DNAH11: variants seen among roughly 807,000 people sequenced by gnomAD.
DNAH11 encodes axonemal beta dynein heavy chain 11.
In DNAH11, 442 loss-of-function variants were observed where a neutral mutation model predicts 526.0. The observed-to-expected ratio is 0.84, with a 90% CI of 0.78 to 0.91. The LOEUF is 0.91. Ranked by LOEUF, DNAH11 falls within the 40% of genes least tolerant of loss-of-function variation. The pLI, the probability that DNAH11 is intolerant of heterozygous loss-of-function variation, is 0.00. For synonymous variants in DNAH11, 2,461 were observed against 1,935.9 expected (o/e 1.27, Z -7.12); for missense variants, 6,989 against 5,448.7 (o/e 1.28, Z -8.90).
chr7:21,811,205 G>A (rs1231596097), intron 63 of DNAH11, among the ~76,000 whole-genome samples: 7 of 152,280 alleles, frequency 4.6e-5, no homozygotes, highest in Admixed American at 3.3e-4. Flanking sequence ...GCTAATGCGT[G>A]TAATCCCAGC....
intron 28 of DNAH11, among the ~76,000 whole-genome samples, chr7:21,641,568 C>T (rs1019727995): frequency 3.3e-5 from 5 of 152,198 alleles, no homozygotes; most frequent in Non-Finnish European, 7.4e-5. Context: ...ATTCTTGTCA[C>T]CAACTCTGTT....
At chr7:21,720,883 C>T (rs747236485) in intron 44 of DNAH11, 27 bp downstream of exon 44, 7 of 1,603,830 alleles carry the variant, frequency 4.4e-6, no homozygotes, top group Non-Finnish European at 6.0e-6. Context: ...TTTACAGGAC[C>T]AGTTTCCAGT....
chr7:21,753,405 T>C (rs1352555657), intron 54 of DNAH11, among the ~76,000 whole-genome samples: 1 of 152,204 alleles, frequency 6.6e-6, no homozygotes, highest in African/African-American at 2.4e-5. Context: ...CAATTTGAAA[T>C]GGATTTTGGA....
chr7:21,875,493 G>C (rs918913108), intron 74 of DNAH11, among the ~76,000 whole-genome samples: 1 of 151,948 alleles, frequency 6.6e-6, no homozygotes, highest in Admixed American at 6.6e-5. Context: ...GGAAATACAC[G>C]TTCGAAAATA....
At chr7:21,817,401 C>T (rs962112554) in intron 64 of DNAH11, among the ~76,000 whole-genome samples, 3 of 151,574 alleles carry the variant, frequency 2.0e-5, no homozygotes. Context: ...AGTTCTTAGG[C>T]CAGGTACAGT....
chr7:21,825,725 C>T (rs1790256764), intron 65 of DNAH11, among the ~76,000 whole-genome samples: 1 of 151,758 alleles, frequency 6.6e-6, no homozygotes, highest in South Asian at 2.1e-4. Flanking sequence ...TTTGGGAGGC[C>T]AAGGCAGGTG....
chr7:21,755,353 C>T lies in DNAH11; in HGVS notation c.8940+4989C>T, dbSNP rs549865137. On this transcript the variant is annotated intron_variant, in intron 54 of 81. Transcript: ENST00000409508. ...TGCAGCTCGAATATAGAACTTTCAT[C>T]TCCTCTCCAGTGGACCTTAGTTCAC... Among the ~76,000 whole-genome samples, 13 of 152,302 alleles carry T rather than the reference C, an allele frequency of 8.5e-5. No homozygotes were observed. In the South Asian group the frequency reaches 2.5e-3, roughly 29 times the overall value.
At chr7:21,840,776 CTATT>C (rs1782176362) in intron 65 of DNAH11, among the ~76,000 whole-genome samples, 1 of 152,102 alleles carries the variant, frequency 6.6e-6, no homozygotes, top group Non-Finnish European at 1.5e-5. Flanking sequence ...AGCCTAGTGA[CTATT>C]TACAGAAATA....
intron 66 of DNAH11, among the ~76,000 whole-genome samples, chr7:21,844,803 T>C (rs1466127029): frequency 6.6e-6 from 1 of 152,224 alleles, no homozygotes; most frequent in Admixed American, 6.5e-5. Flanking sequence ...GTGAGGCTGC[T>C]TTACTTGGAT....
At chr7:21,859,164 A>T (rs549681232) in intron 68 of DNAH11, among the ~76,000 whole-genome samples, 73 of 151,966 alleles carry the variant, frequency 4.8e-4, no homozygotes, top group African/African-American at 1.7e-3. Context: ...CCCAGACTGG[A>T]ATGTAGTGGT....
intron 65 of DNAH11, among the ~76,000 whole-genome samples, chr7:21,837,583 G>T (rs1243748705): frequency 6.6e-6 from 1 of 152,114 alleles, no homozygotes; most frequent in Non-Finnish European, 1.5e-5. Flanking sequence ...AAGGAGGGAG[G>T]ATGGTGGGGA....
chr7:21,718,561 TG>T (rs1784757806), intron 43 of DNAH11, among the ~76,000 whole-genome samples: 1 of 152,188 alleles, frequency 6.6e-6, no homozygotes, highest in Admixed American at 6.5e-5. Context: ...TTGAGACAGC[TG>T]GTAAGAGTGA....
chr7:21,608,212 A>G (rs2128449550), intron 20 of DNAH11, among the ~76,000 whole-genome samples: 1 of 152,316 alleles, frequency 6.6e-6, no homozygotes, highest in East Asian at 1.9e-4. Context: ...GTACTTTATT[A>G]TAGTTGACTA....
chr7:21,560,334 A>G (rs900468798), intron 4 of DNAH11, among the ~76,000 whole-genome samples: 3 of 152,232 alleles, frequency 2.0e-5, no homozygotes, highest in Admixed American at 1.3e-4. Context: ...ATATGTATAT[A>G]TGAAAGGGAG....
chr7:21,887,107 G>T (rs560942715), intron 76 of DNAH11, among the ~76,000 whole-genome samples: 1 of 152,338 alleles, frequency 6.6e-6, no homozygotes, highest in East Asian at 1.9e-4. Flanking sequence ...TTGGAAATTA[G>T]TGTCTTTGGT....
intron 57 of DNAH11, among the ~76,000 whole-genome samples, chr7:21,781,262 A>C (rs1787929618): frequency 6.6e-6 from 1 of 152,210 alleles, no homozygotes; most frequent in African/African-American, 2.4e-5. Context: ...GTTTAACATG[A>C]CTAAATAAAT....
At chr7:21,691,066 C>T (rs1373220010) in intron 35 of DNAH11, among the ~76,000 whole-genome samples, 185 bp downstream of exon 35, 2 of 152,048 alleles carry the variant, frequency 1.3e-5, no homozygotes, top group Non-Finnish European at 2.9e-5. Context: ...ATTATAAAAC[C>T]AGGACTCAAA....
intron 74 of DNAH11, among the ~76,000 whole-genome samples, chr7:21,877,658 G>A (rs961984580): frequency 1.3e-4 from 19 of 151,820 alleles, no homozygotes; most frequent in African/African-American, 2.4e-4. Context: ...GGCGGATCAC[G>A]AGGTCAGGAG....
At chr7:21,831,302 T>G (rs1781757771) in intron 65 of DNAH11, among the ~76,000 whole-genome samples, 1 of 152,218 alleles carries the variant, frequency 6.6e-6, no homozygotes, top group Non-Finnish European at 1.5e-5. Context: ...TGTTTGCTTT[T>G]CCCACCCCTC....
Sources: gnomAD v4.1 joint callset for allele counts (sites outside exome capture counted in the v4.1 genomes callset) on GRCh38, gnomAD v4.1.1 for gene constraint, MANE v1.5 for transcripts, NCBI Gene and HGNC (gene_info 2026-07-23, HGNC 2026-07-21) for gene names.